CTNND1: variants seen among roughly 807,000 people sequenced by gnomAD.
CTNND1 encodes the protein catenin delta 1.
Under a neutral mutation model 112.1 loss-of-function variants are expected in CTNND1, and 16 were observed. The observed-to-expected ratio is 0.14, with a 90% CI of 0.10 to 0.22. CTNND1 has a LOEUF of 0.22. CTNND1 is among the 10% of genes least tolerant of loss of function. CTNND1 has a pLI of 1.00. For missense variants in CTNND1, 1,008 were observed against 1,257.0 expected (o/e 0.80, Z 3.00); for synonymous variants, 420 against 446.5 (o/e 0.94, Z 0.75).
chr11:57,799,742 T>C (rs1317646607), intron 6 of CTNND1, among the ~76,000 whole-genome samples: 2 of 152,172 alleles, frequency 1.3e-5, no homozygotes, highest in African/African-American at 4.8e-5. Flanking sequence ...TAATTGTTCT[T>C]ATAATTTTGT....
chr11:57,789,805 C>T (rs1021838931), intron 2 of CTNND1, among the ~76,000 whole-genome samples: 4 of 152,168 alleles, frequency 2.6e-5, no homozygotes, highest in Non-Finnish European at 4.4e-5. Flanking sequence ...GAGGTTTCTG[C>T]AGGATTACAG....
At chr11:57,810,058 T>C in intron 15 of CTNND1, 51 bp from the exon 16 acceptor site, 1 of 1,450,336 alleles carries the variant, frequency 6.9e-7, no homozygotes, top group African/African-American at 1.4e-5. Context: ...GGTCTAAGCT[T>C]TTTTCCTGAT....
At chr11:57,808,652 C>G in intron 14 of CTNND1, 112 bp downstream of exon 14, 2 of 1,050,184 alleles carry the variant, frequency 1.9e-6, no homozygotes, top group Non-Finnish European at 2.6e-6. Context: ...AAGGACCCTC[C>G]CCCGCTTCAT....
At position 57,794,750 on chromosome 11, in the gene CTNND1, A is replaced by G. The variant is rs2061167488; in HGVS notation, c.267+669A>G. Among the ~76,000 whole-genome samples the G allele has an allele frequency of 1.4e-5, 2 of 147,838 alleles. 1 individual carries two copies. The highest frequency in any genetic ancestry group is 4.3e-4 in the South Asian group (2 of 4,658). ...TGGTGAGCTGAGATCATGCCATTGT[A>G]CTCCAGCCTGGGCAACAAGAGCAAA... On this transcript the variant is annotated intron_variant, in intron 4 of 20. Transcript: ENST00000399050.
At chr11:57,810,926 C>T (rs1021417891) in intron 16 of CTNND1, among the ~76,000 whole-genome samples, 2 of 151,148 alleles carry the variant, frequency 1.3e-5, no homozygotes, top group African/African-American at 2.4e-5. Context: ...TGCTGCACTC[C>T]AGCCTGGGCA....
At chr11:57,783,911 CTATT>C (rs1159715393) in intron 1 of CTNND1, among the ~76,000 whole-genome samples, 3 of 151,726 alleles carry the variant, frequency 2.0e-5, no homozygotes, top group Non-Finnish European at 2.9e-5. Context: ...GCTTGGTATG[CTATT>C]TATTTATTTA....
intron 2 of CTNND1, among the ~76,000 whole-genome samples, chr11:57,789,848 A>C (rs2060504460): frequency 6.6e-6 from 1 of 152,080 alleles, no homozygotes; most frequent in Admixed American, 6.6e-5. Context: ...TGACGTGTGG[A>C]GGTTAGGATA....
rs1249457627 is a variant in CTNND1 at position 57,796,413 on chromosome 11, C to T, written c.421-44C>T. 10 of 1,499,014 alleles carry T rather than the reference C, an allele frequency of 6.7e-6. No homozygotes were observed. In the East Asian group the frequency reaches 6.8e-5, roughly 10 times the overall value. The allele number at this position is 1,499,014 out of a possible 1,614,324, so 92.9% of individuals were successfully genotyped here. On this transcript the variant is annotated intron_variant, in intron 5 of 20. Transcript: ENST00000399050. Reference sequence around the variant, plus strand: ...AAAAAAAAAAAAGAATTTAATTGCTCACTTCCTTAATTAGTTTTTCTTTTT... The same window carrying T: ...AAAAAAAAAAAAGAATTTAATTGCTTACTTCCTTAATTAGTTTTTCTTTTT...
rs954356501 is a variant in CTNND1 at position 57,762,068 on chromosome 11, T to C, written c.-265T>C. 1 of 985,316 alleles carries C rather than the reference T, an allele frequency of 1.0e-6. No homozygotes were observed. The highest frequency in any genetic ancestry group is 1.7e-5 in the African/African-American group (1 of 57,230). The allele number at this position is 985,316 out of a possible 1,614,324, so 61.0% of individuals were successfully genotyped here. On this transcript the variant is annotated 5_prime_UTR_variant, in exon 1 of 21. The change abolishes an upstream ATG in the 5' untranslated region. Transcript: ENST00000399050. Reference sequence around the variant, plus strand: ...TGAGGTGTGTGGCTTTTGAAGAAAATGTATGTACTGACGGGAAAAGGAGGA... The same window carrying C: ...TGAGGTGTGTGGCTTTTGAAGAAAACGTATGTACTGACGGGAAAAGGAGGA...
At chr11:57,785,806 C>A (rs1398205499) in intron 1 of CTNND1, among the ~76,000 whole-genome samples, 1 of 151,914 alleles carries the variant, frequency 6.6e-6, no homozygotes, top group Non-Finnish European at 1.5e-5. Context: ...CTCGGCCTCC[C>A]AAAGTGCTGG....
At position 57,806,428 on chromosome 11, in the gene CTNND1, C is replaced by T. The variant is rs375858579; in HGVS notation, c.1877-33C>T. 2.0e-5 allele frequency: 32 copies of T among 1,585,336 alleles called. No homozygotes were observed. The Admixed American group carries it at 5.0e-4, about 25-fold the overall frequency. ...GCATTTTTCTTATTTCATTTCTCTT[C>T]TCTGCTTTCTACCTTGGGTGATGCA... On this transcript the variant is annotated intron_variant, in intron 10 of 20. Transcript: ENST00000399050.
At chr11:57,812,115 T>G (rs1314536494) in intron 17 of CTNND1, among the ~76,000 whole-genome samples, 1 of 152,234 alleles carries the variant, frequency 6.6e-6, no homozygotes, top group African/African-American at 2.4e-5. Flanking sequence ...TGCTTCTTGC[T>G]GGTGGCTTAG....
At chr11:57,779,741 G>A (rs2059376888) in intron 1 of CTNND1, among the ~76,000 whole-genome samples, 1 of 152,142 alleles carries the variant, frequency 6.6e-6, no homozygotes, top group Non-Finnish European at 1.5e-5. Flanking sequence ...AGGGTTGAGG[G>A]GGTGATCAGA....
intron 1 of CTNND1, among the ~76,000 whole-genome samples, chr11:57,769,616 CCTAT>C (rs1565274923): frequency 1.3e-5 from 2 of 152,118 alleles, no homozygotes; most frequent in African/African-American, 4.8e-5. Flanking sequence ...TCTTGCCTCC[CCTAT>C]CTTTTTTTTC....
At chr11:57,790,385 C>CCT (rs2060570581) in intron 2 of CTNND1, among the ~76,000 whole-genome samples, 1 of 139,644 alleles carries the variant, frequency 7.2e-6, no homozygotes, top group Non-Finnish European at 1.6e-5. Flanking sequence ...TTCTTTCTTT[C>CCT]TTTTTTTTTT....
Position 57,790,597 on chromosome 11 carries a change from G to A in CTNND1, c.-94-788G>A, listed in dbSNP as rs570164048. Among the ~76,000 whole-genome samples the A allele has an allele frequency of 5.8e-5, 7 of 121,444 alleles. No homozygotes were observed. The South Asian group carries it at 1.9e-3, about 32-fold the overall frequency. 79.7% of individuals were successfully genotyped at this position (121,444 alleles called of 152,430 possible). ...TTTTGAGACGGAGTCTTGCACTGTC[G>A]CCTAGGCTGGAGTGCAATAGTGCGA... On this transcript the variant is annotated intron_variant, in intron 2 of 20. Transcript: ENST00000399050.
At chr11:57,769,621 C>CT (rs200412680) in intron 1 of CTNND1, among the ~76,000 whole-genome samples, 183 of 152,100 alleles carry the variant, frequency 1.2e-3, no homozygotes, top group African/African-American at 4.1e-3. Context: ...CCTCCCCTAT[C>CT]TTTTTTTTCT....
At chr11:57,789,496 C>G (rs1196760791) in intron 2 of CTNND1, among the ~76,000 whole-genome samples, 1 of 152,090 alleles carries the variant, frequency 6.6e-6, no homozygotes, top group African/African-American at 2.4e-5. Flanking sequence ...AGATAGCACA[C>G]ATAGACCCTC....
At chr11:57,762,629 G>C (rs1269245934) in intron 1 of CTNND1, among the ~76,000 whole-genome samples, 1 of 152,144 alleles carries the variant, frequency 6.6e-6, no homozygotes, top group Non-Finnish European at 1.5e-5. Context: ...ATCGGTTTCA[G>C]CCCTGCTGTT....
Sources: allele counts gnomAD v4.1 joint callset (sites outside exome capture counted in the v4.1 genomes callset), GRCh38; gene constraint gnomAD v4.1.1; transcripts MANE v1.5; gene names NCBI Gene and HGNC (gene_info 2026-07-23, HGNC 2026-07-21).